TNFRSF11A: variants seen among roughly 807,000 people sequenced by gnomAD.
TNFRSF11A encodes the protein TNF receptor superfamily member 11a.
In TNFRSF11A, 32 loss-of-function variants were observed where a neutral mutation model predicts 55.7. The observed-to-expected ratio is 0.57, with a 90% CI of 0.43 to 0.77. The LOEUF is 0.77. Ranked by LOEUF, TNFRSF11A falls within the 30% of genes least tolerant of loss-of-function variation. The pLI is 0.00. For synonymous variants in TNFRSF11A, 311 were observed against 331.0 expected (o/e 0.94, Z 0.65); for missense variants, 753 against 809.8 (o/e 0.93, Z 0.85).
chr18:62,350,588 G>A (rs1431860201), intron 3 of TNFRSF11A, among the ~76,000 whole-genome samples: 1 of 152,126 alleles, frequency 6.6e-6, no homozygotes, highest in Non-Finnish European at 1.5e-5. Flanking sequence ...CACCGTGCCC[G>A]GCCTATCCCC....
At chr18:62,377,687 T>C in intron 9 of TNFRSF11A, among the ~76,000 whole-genome samples, 1 of 152,200 alleles carries the variant, frequency 6.6e-6, no homozygotes, top group African/African-American at 2.4e-5. Flanking sequence ...CATCTGGATA[T>C]CTTTGGTGAG....
intron 9 of TNFRSF11A, among the ~76,000 whole-genome samples, chr18:62,382,390 C>T (rs1911356839): frequency 1.3e-5 from 2 of 152,108 alleles, no homozygotes; most frequent in African/African-American, 2.4e-5. Flanking sequence ...GGATTACAGG[C>T]GTGAGCCACC....
rs1386393630 is a variant in TNFRSF11A, at chr18:62,388,918, T to C, written c.*3884T>C. On this transcript the variant is annotated 3_prime_UTR_variant, in exon 10 of 10. Transcript: ENST00000586569. ...AACAAACAAACTCTTGTTACGATTA[T>C]ACAAGGGTGAGCTTGAGCAAAGGTG... The C allele has an allele frequency of 6.6e-6, 1 of 152,234 alleles. No homozygotes were observed. The highest frequency in any genetic ancestry group is 2.4e-5 in the African/African-American group (1 of 41,460). The allele number at this position is 152,234 out of a possible 1,614,324, so 9.4% of individuals were successfully genotyped here. A position where few individuals can be genotyped will look rare whatever the true frequency, so the allele number is the denominator to read the frequency against.
chr18:62,335,148 T>TTTTTTTTTTTTTTTTTTTA, intron 1 of TNFRSF11A, among the ~76,000 whole-genome samples: 1 of 150,032 alleles, frequency 6.7e-6, no homozygotes, highest in Non-Finnish European at 1.5e-5. Context: ...TTTTTTTTGT[T>TTTTTTTTTTTTTTTTTTTA]ACCCAGGCTG....
At chr18:62,375,972 T>C (rs28428927) in intron 9 of TNFRSF11A, among the ~76,000 whole-genome samples, 2,699 of 152,310 alleles carry the variant, frequency 0.018, 73 homozygotes, top group African/African-American at 0.062. Flanking sequence ...CTGTCTCCTC[T>C]TAAGTCAGTG....
intron 9 of TNFRSF11A, among the ~76,000 whole-genome samples, chr18:62,372,503 C>A (rs1208189085): frequency 1.3e-5 from 2 of 150,482 alleles, no homozygotes; most frequent in Non-Finnish European, 3.0e-5. Context: ...TTTTAAAAAT[C>A]ATTTTGCTTT....
At chr18:62,362,305 A>G (rs1371066684) in intron 7 of TNFRSF11A, among the ~76,000 whole-genome samples, 3 of 151,980 alleles carry the variant, frequency 2.0e-5, no homozygotes, top group Non-Finnish European at 4.4e-5. Flanking sequence ...AGCCTGGCCA[A>G]CATGGTGAAA....
intron 9 of TNFRSF11A, among the ~76,000 whole-genome samples, chr18:62,374,384 C>T (rs990791607): frequency 6.6e-6 from 1 of 152,280 alleles, no homozygotes; most frequent in Admixed American, 6.5e-5. Flanking sequence ...TGAAACAGAA[C>T]TTACATTTCC....
At chr18:62,335,495 T>C (rs541857615) in intron 1 of TNFRSF11A, among the ~76,000 whole-genome samples, 1 of 152,228 alleles carries the variant, frequency 6.6e-6, no homozygotes, top group African/African-American at 2.4e-5. Flanking sequence ...TCCTCATGGG[T>C]AAGGGGACTC....
Position 62,384,979 on chromosome 18 carries a change from G to A in TNFRSF11A, c.1796G>A (p.Arg599Gln), listed in dbSNP as rs1262419198. ...PDPCGGPEGL[R>Q]EPEKASRPVQ... The stretch of plus-strand genomic sequence containing the variant: ...CCGTGCGGCGGCCCCGAGGGGCTGC[G>A]GGAGCCGGAGAAGGCCTCGAGGCCG... Residue 599 changes from arginine (R) to glutamine (Q), a missense_variant, in exon 10 of 10, where the codon CGG becomes CAG. Arg to Gln is a conservative substitution (Grantham distance 43, BLOSUM62 1). Transcript: ENST00000586569. 6 of 1,472,338 alleles carry A rather than the reference G, an allele frequency of 4.1e-6. No homozygotes were observed. The Admixed American group carries it at 1.0e-4, about 26-fold the overall frequency. 91.2% of individuals were successfully genotyped at this position (1,472,338 alleles called of 1,614,324 possible). A position where few individuals can be genotyped will look rare whatever the true frequency, so the allele number is the denominator to read the frequency against.
intron 7 of TNFRSF11A, among the ~76,000 whole-genome samples, chr18:62,365,133 G>T (rs968594619): frequency 1.3e-5 from 2 of 151,904 alleles, no homozygotes; most frequent in African/African-American, 4.8e-5. Flanking sequence ...GCTAATTTTT[G>T]TATTTTTTTA....
intron 1 of TNFRSF11A, among the ~76,000 whole-genome samples, chr18:62,337,241 A>G (rs1219987827): frequency 6.6e-6 from 1 of 152,208 alleles, no homozygotes; most frequent in Non-Finnish European, 1.5e-5. Flanking sequence ...AATGGTTAAT[A>G]TGGCAAATTT....
At chr18:62,344,344 A>G (rs1459296706) in intron 1 of TNFRSF11A, among the ~76,000 whole-genome samples, 2 of 152,262 alleles carry the variant, frequency 1.3e-5, no homozygotes, top group East Asian at 1.9e-4. Context: ...AAGGTGAACT[A>G]GAAAAATCTC....
At chr18:62,331,765 C>T (rs1047496735) in intron 1 of TNFRSF11A, among the ~76,000 whole-genome samples, 1 of 152,244 alleles carries the variant, frequency 6.6e-6, no homozygotes, top group South Asian at 2.1e-4. Flanking sequence ...TGCGCAAAAA[C>T]TGTTTGCTTG....
At chr18:62,349,654 C>G (rs903275772) in intron 2 of TNFRSF11A, among the ~76,000 whole-genome samples, 158 bp from the exon 3 acceptor site, 3 of 152,186 alleles carry the variant, frequency 2.0e-5, no homozygotes, top group Admixed American at 6.5e-5. Context: ...GTGGCCTCTT[C>G]TCCTGTGTCA....
rs1911719077 is a variant in TNFRSF11A, at chr18:62,386,182, C to T, written c.*1148C>T. ...CATTCTTCTTATTCTAGAGGTCTCT[C>T]TGGAAAAGATGGAGAAAATGAACAG... On this transcript the variant is annotated 3_prime_UTR_variant, in exon 10 of 10. Transcript: ENST00000586569. The T allele has an allele frequency of 6.6e-6, 1 of 152,014 alleles. No individual in the cohort carries two copies. Among genetic ancestry groups the T allele is most frequent in the African/African-American group, 2.4e-5 (1 of 41,364 alleles). The allele number at this position is 152,014 out of a possible 1,614,324, so 9.4% of individuals were successfully genotyped here.
chr18:62,360,148 T>C, intron 6 of TNFRSF11A, 99 bp downstream of exon 6: 1 of 846,126 alleles, frequency 1.2e-6, no homozygotes, highest in Non-Finnish European at 2.0e-6. Context: ...GGGCGTCCTC[T>C]CCCCCTTTAT....
rs372651523 is a variant in TNFRSF11A, at chr18:62,368,650, C to T, written c.784-51C>T. ...TTCAGCAATGTTTAGCTAAACTTGT[C>T]CTAATAACTCTAGGTATTAATGCCT... On this transcript the variant is annotated intron_variant, in intron 8 of 9. Transcript: ENST00000586569. 4.4e-4 allele frequency: 695 copies of T among 1,590,354 alleles called. 5 individuals carry two copies. The South Asian group carries it at 5.2e-3, about 12-fold the overall frequency.
At chr18:62,355,118 T>C (rs150807461) in intron 4 of TNFRSF11A, among the ~76,000 whole-genome samples, 1 of 152,330 alleles carries the variant, frequency 6.6e-6, no homozygotes, top group Non-Finnish European at 1.5e-5. Context: ...ACAGTTTACA[T>C]AGTTACTTTC....
Sources: gnomAD v4.1 joint callset for allele counts (sites outside exome capture counted in the v4.1 genomes callset) on GRCh38, gnomAD v4.1.1 for gene constraint, MANE v1.5 for transcripts, NCBI Gene and HGNC (gene_info 2026-07-23, HGNC 2026-07-21) for gene names.